PARD3B: variants seen among roughly 807,000 people sequenced by gnomAD.
PARD3B encodes par-3 family cell polarity regulator beta, also known as partitioning defective 3 homolog B.
PARD3B carries 103 observed loss-of-function variants against 130.2 expected under a neutral mutation model. That is an observed-to-expected ratio of 0.79 (90% CI 0.67 to 0.93). The LOEUF (loss-of-function observed/expected upper bound fraction) is 0.93. Among genes scored for constraint, PARD3B ranks in the 40% least tolerant of loss-of-function variants. The pLI is 0.00. For synonymous variants in PARD3B, 583 were observed against 553.2 expected, an observed-to-expected ratio of 1.05 and a Z score of -0.76; for missense variants, 1,609 against 1,499.2, an observed-to-expected ratio of 1.07 and a Z score of -1.21.
rs192559585 is a variant in PARD3B, at chr2:205,603,034, C to A, written c.3261-12422C>A. Reference sequence around the variant, plus strand: ...TTCCCTCTTAACACTGCTTTATCTGCATCCCAGAAATTCTGCTGTGTTATC... The same window carrying A: ...TTCCCTCTTAACACTGCTTTATCTGAATCCCAGAAATTCTGCTGTGTTATC... On this transcript the variant is annotated intron_variant, in intron 22 of 22. Coordinates refer to ENST00000406610, the MANE Select transcript of PARD3B (RefSeq NM_001302769.2). 3.3e-5 allele frequency among the ~76,000 whole-genome samples: 5 copies of A among 152,270 alleles called. No individual in the cohort carries two copies. In the East Asian group the frequency reaches 9.6e-4, roughly 29 times the overall value.
chr2:205,020,743 G>A (rs1253325184), intron 3 of PARD3B, among the ~76,000 whole-genome samples: 1 of 152,094 alleles, frequency 6.6e-6, no homozygotes, highest in African/African-American at 2.4e-5. Flanking sequence ...GACCCAAGCT[G>A]GCATCTCCCT....
intron 19 of PARD3B, among the ~76,000 whole-genome samples, chr2:205,415,441 A>G (rs1010734435): frequency 6.6e-6 from 1 of 152,202 alleles, no homozygotes; most frequent in African/African-American, 2.4e-5. Context: ...TTGAGGAAAC[A>G]TAACTCATTT....
chr2:205,485,890 G>T (rs994910907), intron 20 of PARD3B, among the ~76,000 whole-genome samples: 3 of 152,058 alleles, frequency 2.0e-5, no homozygotes, highest in African/African-American at 4.8e-5. Flanking sequence ...AACACCCTCT[G>T]CTCTGAGCTA....
At chr2:204,755,286 T>G (rs1464432071) in intron 2 of PARD3B, among the ~76,000 whole-genome samples, 1 of 152,106 alleles carries the variant, frequency 6.6e-6, no homozygotes, top group Non-Finnish European at 1.5e-5. Context: ...ACTGATGATC[T>G]ACTGACCCCC....
chr2:204,891,195 T>C (rs1281561735), intron 2 of PARD3B, among the ~76,000 whole-genome samples: 1 of 151,894 alleles, frequency 6.6e-6, no homozygotes, highest in Non-Finnish European at 1.5e-5. Flanking sequence ...TCTTTTTTTT[T>C]TTTTTTTAAC....
At chr2:205,044,840 A>T (rs1343630105) in intron 3 of PARD3B, among the ~76,000 whole-genome samples, 1 of 152,190 alleles carries the variant, frequency 6.6e-6, no homozygotes, top group African/African-American at 2.4e-5. Flanking sequence ...GGTGGAACTC[A>T]GTCTCTTCCT....
At chr2:205,551,094 C>T (rs1334602145) in intron 21 of PARD3B, among the ~76,000 whole-genome samples, 1 of 150,912 alleles carries the variant, frequency 6.6e-6, no homozygotes, top group Non-Finnish European at 1.5e-5. Flanking sequence ...TATGCCAGGA[C>T]AGTTCTGGAT....
At chr2:205,612,929 C>T (rs899995683) in intron 22 of PARD3B, among the ~76,000 whole-genome samples, 11 of 152,260 alleles carry the variant, frequency 7.2e-5, no homozygotes, top group Admixed American at 3.3e-4. Context: ...GAAGAGATAG[C>T]GACTGTCCCC....
intron 18 of PARD3B, among the ~76,000 whole-genome samples, chr2:205,318,943 A>C (rs1046904171): frequency 2.0e-5 from 3 of 152,104 alleles, no homozygotes; most frequent in Non-Finnish European, 4.4e-5. Flanking sequence ...CATTTTTGTC[A>C]TCACTTGAAA....
At position 205,205,385 on chromosome 2, in the gene PARD3B, C is replaced by T. The variant is rs1310945554; in HGVS notation, c.2140+12065C>T. Among the ~76,000 whole-genome samples the T allele has an allele frequency of 2.0e-5, 3 of 152,284 alleles. No homozygotes were observed. The East Asian group carries it at 5.8e-4, about 29-fold the overall frequency. ...TTTTCTAAATATACAGTCATATCATCTGCAAACAGAGATAATTTGACTTCC... is the reference window on the plus strand; with the variant it reads ...TTTTCTAAATATACAGTCATATCATTTGCAAACAGAGATAATTTGACTTCC... On this transcript the variant is annotated intron_variant, in intron 15 of 22. Coordinates refer to ENST00000406610, the MANE Select transcript of PARD3B (RefSeq NM_001302769.2).
At chr2:204,808,163 A>G (rs539438768) in intron 2 of PARD3B, among the ~76,000 whole-genome samples, 1 of 152,228 alleles carries the variant, frequency 6.6e-6, no homozygotes, top group African/African-American at 2.4e-5. Context: ...GAAATTTGTA[A>G]GTTTTAATTC....
chr2:205,150,174 A>G (rs2033644391), intron 10 of PARD3B, among the ~76,000 whole-genome samples: 1 of 151,892 alleles, frequency 6.6e-6, no homozygotes, highest in African/African-American at 2.4e-5. Context: ...AAACTAAATG[A>G]AATTCACAAG....
chr2:205,333,164 G>A (rs1483693723), intron 18 of PARD3B, among the ~76,000 whole-genome samples: 1 of 152,106 alleles, frequency 6.6e-6, no homozygotes, highest in African/African-American at 2.4e-5. Context: ...TGTTGGGTAG[G>A]TGAGAGGGGA....
intron 2 of PARD3B, among the ~76,000 whole-genome samples, chr2:204,960,903 A>G (rs1445908458): frequency 6.6e-6 from 1 of 152,182 alleles, no homozygotes; most frequent in Non-Finnish European, 1.5e-5. Flanking sequence ...GTAGCCAGAG[A>G]AAGGCTGGCA....
Position 205,263,832 on chromosome 2 carries a change from A to G in PARD3B, c.2185+18010A>G, listed in dbSNP as rs1487536915. Among the ~76,000 whole-genome samples, 1 of 151,342 alleles carries G rather than the reference A, an allele frequency of 6.6e-6. No individual in the cohort carries two copies. The highest frequency in any genetic ancestry group is 1.5e-5 in the Non-Finnish European group (1 of 67,682). ...CATATCCAACAAAGGATCTGTATACAGAATATATAAAAGTTCCGAACCCAA... is the reference window on the plus strand; with the variant it reads ...CATATCCAACAAAGGATCTGTATACGGAATATATAAAAGTTCCGAACCCAA... On this transcript the variant is annotated intron_variant, in intron 16 of 22. Transcript: ENST00000406610. The surrounding 1 kb of genome is among the most constrained non-coding windows in gnomAD (Gnocchi z 4.0).
intron 2 of PARD3B, among the ~76,000 whole-genome samples, chr2:204,718,467 C>A (rs1020415426): frequency 6.6e-6 from 1 of 152,068 alleles, no homozygotes; most frequent in African/African-American, 2.4e-5. Context: ...GCTTACAAAA[C>A]CATCAGATTT....
intron 2 of PARD3B, among the ~76,000 whole-genome samples, chr2:204,844,153 C>T (rs974231468): frequency 1.3e-5 from 2 of 152,104 alleles, no homozygotes; most frequent in African/African-American, 4.8e-5. Flanking sequence ...GAAGTGGTTA[C>T]CTTTTAAATG....
At chr2:205,057,325 T>C (rs7594854) in intron 4 of PARD3B, among the ~76,000 whole-genome samples, 4,809 of 94,776 alleles carry the variant, frequency 0.051, 130 homozygotes, top group South Asian at 0.13. Context: ...GTATGTTATA[T>C]ATGTATATGT....
intron 2 of PARD3B, among the ~76,000 whole-genome samples, chr2:204,784,091 A>G (rs2125458232): frequency 6.6e-6 from 1 of 152,308 alleles, no homozygotes; most frequent in East Asian, 1.9e-4. Context: ...GAAAGAACAC[A>G]TAGAAAGGGC....
Sources: gnomAD v4.1 joint callset for allele counts (sites outside exome capture counted in the v4.1 genomes callset) on GRCh38, gnomAD v4.1.1 for gene constraint, Gnocchi (gnomAD v3.1) non-coding constraint, MANE v1.5 for transcripts, NCBI Gene and HGNC (gene_info 2026-07-23, HGNC 2026-07-21) for gene names.